Variants in PTPRG observed in about 807,000 individuals in gnomAD.
The protein encoded by PTPRG is receptor-type tyrosine-protein phosphatase gamma.
A neutral mutation model predicts 165.3 loss-of-function variants in PTPRG; 102 were observed. That is an observed-to-expected ratio of 0.62 (90% confidence interval 0.53 to 0.73). The LOEUF is 0.73. Among genes scored for constraint, PTPRG ranks in the 30% least tolerant of loss-of-function variants. The pLI, the probability that PTPRG is intolerant of heterozygous loss-of-function variation, is 0.00. For synonymous variants in PTPRG, 675 were observed against 669.5 expected (o/e 1.01, Z -0.13); for missense variants, 1,866 against 1,861.4 (o/e 1.00, Z -0.05).
intron 1 of PTPRG, among the ~76,000 whole-genome samples, chr3:61,571,290 T>C (rs542655113): frequency 1.3e-5 from 2 of 152,184 alleles, no homozygotes; most frequent in East Asian, 3.8e-4. Flanking sequence ...GACTGTAATA[T>C]GTTTCTCTAA....
At chr3:61,757,684 C>A (rs2033676595) in intron 2 of PTPRG, among the ~76,000 whole-genome samples, 1 of 152,070 alleles carries the variant, frequency 6.6e-6, no homozygotes, top group Non-Finnish European at 1.5e-5. Flanking sequence ...TAGCATAAAT[C>A]CTAATATTCA....
intron 5 of PTPRG, among the ~76,000 whole-genome samples, chr3:62,083,830 T>C (rs561375620): frequency 2.6e-5 from 4 of 152,360 alleles, no homozygotes; most frequent in African/African-American, 7.2e-5. Context: ...CTTTTAACCA[T>C]GCAACCTTCT....
At chr3:62,003,584 C>G (rs1376008371) in intron 4 of PTPRG, 87 bp downstream of exon 4, 2 of 1,527,680 alleles carry the variant, frequency 1.3e-6, no homozygotes, top group Non-Finnish European at 1.8e-6. Context: ...AGTCATTTTG[C>G]AAATCACAGC....
intron 1 of PTPRG, among the ~76,000 whole-genome samples, chr3:61,643,261 GAGAGAGAGAGAGAGAA>G (rs1559537054): frequency 7.2e-6 from 1 of 138,186 alleles, no homozygotes; most frequent in Non-Finnish European, 1.6e-5. Context: ...CCCATCTGGG[GAGAGAGAGAGAGAGAA>G]AGAGAGAGAG....
intron 3 of PTPRG, among the ~76,000 whole-genome samples, chr3:61,998,108 T>C (rs993475085): frequency 6.6e-6 from 1 of 152,270 alleles, no homozygotes; most frequent in African/African-American, 2.4e-5. Flanking sequence ...GCCTGTGTTA[T>C]ACACACATGT....
rs1451152597 is a variant in PTPRG, at chr3:61,671,585, C to G, written c.86-77293C>G. ...CCATCCGATTTCTCAATCTTTTCCCCACCTTTCCCCCCTTTCTATTCCACA... is the reference window on the plus strand; with the variant it reads ...CCATCCGATTTCTCAATCTTTTCCCGACCTTTCCCCCCTTTCTATTCCACA... On this transcript the variant is annotated intron_variant, in intron 1 of 29. Transcript: ENST00000474889. Among the ~76,000 whole-genome samples, 1,260 of 148,096 alleles carry G rather than the reference C, an allele frequency of 8.5e-3. 17 individuals are homozygous for G. The highest frequency in any genetic ancestry group is 0.03 in the African/African-American group (1,185 of 39,886).
At chr3:61,866,716 C>T (rs568026123) in intron 2 of PTPRG, among the ~76,000 whole-genome samples, 35 of 149,490 alleles carry the variant, frequency 2.3e-4, no homozygotes, top group Admixed American at 5.4e-4. Context: ...CTCCTGCCTC[C>T]GCCTCTGGAG....
At chr3:61,730,041 A>T (rs1377406881) in intron 1 of PTPRG, among the ~76,000 whole-genome samples, 2 of 152,182 alleles carry the variant, frequency 1.3e-5, no homozygotes, top group African/African-American at 4.8e-5. Flanking sequence ...CTTATTTTGC[A>T]CCTGAGATAT....
intron 2 of PTPRG, among the ~76,000 whole-genome samples, chr3:61,779,774 T>C (rs929777127): frequency 2.0e-5 from 3 of 152,216 alleles, no homozygotes; most frequent in Admixed American, 6.5e-5. Flanking sequence ...ACTTATATTT[T>C]TATTTTTTGC....
chr3:61,883,489 A>G (rs560892046), intron 2 of PTPRG, among the ~76,000 whole-genome samples: 1 of 152,260 alleles, frequency 6.6e-6, no homozygotes, highest in Non-Finnish European at 1.5e-5. Context: ...AAGAGTCCTT[A>G]TTTAGTAATT....
At chr3:61,563,502 G>T (rs1481101381) in intron 1 of PTPRG, among the ~76,000 whole-genome samples, 1 of 152,116 alleles carries the variant, frequency 6.6e-6, no homozygotes, top group Non-Finnish European at 1.5e-5. Flanking sequence ...TGTCCCTTGG[G>T]GTGGAGGCCA....
intron 2 of PTPRG, among the ~76,000 whole-genome samples, chr3:61,807,420 T>C (rs2035449669): frequency 6.6e-6 from 1 of 152,176 alleles, no homozygotes; most frequent in African/African-American, 2.4e-5. Context: ...TGTCAGAACT[T>C]AGTTTTGACC....
At chr3:61,811,812 G>T (rs914600097) in intron 2 of PTPRG, among the ~76,000 whole-genome samples, 5 of 152,262 alleles carry the variant, frequency 3.3e-5, no homozygotes, top group Admixed American at 3.3e-4. Context: ...TCCCTCAAGA[G>T]TGCTGACAGC....
intron 25 of PTPRG, 111 bp downstream of exon 25, chr3:62,277,159 A>T (rs1576212778): frequency 1.2e-6 from 1 of 832,584 alleles, no homozygotes; most frequent in Non-Finnish European, 1.9e-6. Flanking sequence ...TCAATGTGTA[A>T]TATGAAAAGT....
At chr3:62,275,814 C>T in intron 23 of PTPRG, 59 bp from the exon 24 acceptor site, 1 of 1,312,810 alleles carries the variant, frequency 7.6e-7, no homozygotes, top group Non-Finnish European at 1.1e-6. Context: ...GCCAAAGCAT[C>T]AAGCAAATGC....
intron 20 of PTPRG, among the ~76,000 whole-genome samples, chr3:62,270,066 C>T (rs935823190): frequency 6.6e-6 from 1 of 151,970 alleles, no homozygotes; most frequent in East Asian, 1.9e-4. Context: ...TGGTTGACCT[C>T]GGGAATGTGA....
At chr3:61,753,590 T>TC (rs1396695036) in intron 2 of PTPRG, 3 of 435,208 alleles carry the variant, frequency 6.9e-6, no homozygotes, top group Non-Finnish European at 9.1e-6. Flanking sequence ...TGAGGGTTTT[T>TC]TTTTTTTTTT....
At chr3:61,911,201 A>C (rs2038794270) in intron 2 of PTPRG, among the ~76,000 whole-genome samples, 1 of 152,164 alleles carries the variant, frequency 6.6e-6, no homozygotes, top group African/African-American at 2.4e-5. Context: ...TTTTGGTTTC[A>C]AGACAAAGAG....
intron 2 of PTPRG, among the ~76,000 whole-genome samples, chr3:61,782,345 C>G (rs1174330325): frequency 6.6e-6 from 1 of 152,154 alleles, no homozygotes; most frequent in Admixed American, 6.5e-5. Context: ...TTTGACAAAC[C>G]AATCAGTGCT....
Sources: allele counts gnomAD v4.1 joint callset (sites outside exome capture counted in the v4.1 genomes callset), GRCh38; gene constraint gnomAD v4.1.1; transcripts MANE v1.5; gene names NCBI Gene and HGNC (gene_info 2026-07-23, HGNC 2026-07-21).